Variants in GLYATL2 observed in about 807,000 individuals in gnomAD.
The protein encoded by GLYATL2 is glycine N-acyltransferase-like protein 2.
A neutral mutation model predicts 21.4 loss-of-function variants in GLYATL2; 25 were observed. The observed-to-expected ratio is 1.17, with a 90% CI of 0.85 to 1.63. The LOEUF (loss-of-function observed/expected upper bound fraction) is 1.63. Among genes scored for constraint, GLYATL2 ranks in the 40% most tolerant of loss-of-function variants. The pLI is 0.00. For synonymous variants in GLYATL2, 114 were observed against 118.2 expected (o/e 0.96, Z 0.23); for missense variants, 361 against 343.3 (o/e 1.05, Z -0.41).
intron 1 of GLYATL2, among the ~76,000 whole-genome samples, chr11:58,871,036 G>C (rs899971498): frequency 6.6e-5 from 10 of 152,116 alleles, no homozygotes; most frequent in African/African-American, 2.4e-4. Context: ...TATTTGAATA[G>C]GTAAAAAGAT....
chr11:58,871,274 T>A (rs1364741142), intron 1 of GLYATL2, among the ~76,000 whole-genome samples: 1 of 148,230 alleles, frequency 6.7e-6, no homozygotes, highest in Non-Finnish European at 1.5e-5. Context: ...TATTTTATTT[T>A]ATTTATTTAT....
chr11:58,879,227 A>G lies in GLYATL2; in HGVS notation n.60+24929T>C, dbSNP rs139269701. On this transcript the variant is annotated intron_variant and non_coding_transcript_variant, in intron 1 of 4. Coordinates refer to the GLYATL2 transcript ENST00000533636. ...AAATAAAAAACATGTGAATGGTACT[A>G]CAGAAAATTCTAAAATAAGAAATAA... 2.6e-5 allele frequency among the ~76,000 whole-genome samples: 4 copies of G among 152,278 alleles called. No homozygotes were observed. The East Asian group carries it at 7.7e-4, about 29-fold the overall frequency.
intron 1 of GLYATL2, among the ~76,000 whole-genome samples, chr11:58,871,331 C>T (rs895430668): frequency 4.0e-4 from 61 of 151,898 alleles, no homozygotes; most frequent in African/African-American, 1.4e-3. Context: ...ATGTGCACAA[C>T]GTGCAGGTTT....
At chr11:58,900,520 T>C (rs1433489132) in intron 1 of GLYATL2, among the ~76,000 whole-genome samples, 2 of 152,094 alleles carry the variant, frequency 1.3e-5, no homozygotes, top group Non-Finnish European at 2.9e-5. Context: ...GCACCAGAAA[T>C]ACCCGCTAAG....
intron 1 of GLYATL2, among the ~76,000 whole-genome samples, chr11:58,878,560 C>T (rs943388074): frequency 6.6e-6 from 1 of 152,184 alleles, no homozygotes; most frequent in Non-Finnish European, 1.5e-5. Context: ...CCTCTAACAG[C>T]TGACTGGGTC....
chr11:58,837,540 T>C, intron 3 of GLYATL2, 143 bp from the exon 4 acceptor site: 2 of 732,906 alleles, frequency 2.7e-6, no homozygotes, highest in South Asian at 1.9e-5. Flanking sequence ...TGGAGTCACT[T>C]CAAGAATAAC....
chr11:58,901,280 C>T (rs1344982945), intron 1 of GLYATL2, among the ~76,000 whole-genome samples: 1 of 152,122 alleles, frequency 6.6e-6, no homozygotes, highest in African/African-American at 2.4e-5. Flanking sequence ...AGGATCTCTA[C>T]CGATGGAGCT....
chr11:58,877,520 C>A (rs1254914874), intron 1 of GLYATL2, among the ~76,000 whole-genome samples: 1 of 151,916 alleles, frequency 6.6e-6, no homozygotes, highest in Non-Finnish European at 1.5e-5. Context: ...TGAAGTGATG[C>A]AAAATTAAGA....
At position 58,838,232 on chromosome 11, in the gene GLYATL2, C is replaced by T. The variant is rs368402125; in HGVS notation, c.186+29G>A. On this transcript the variant is annotated intron_variant, in intron 3 of 5. Transcript: ENST00000287275. ...GCAGAGAACGTCTGGAGAGTGACTA[C>T]CCTCATATTCAGTAACTATTGCTCC... 3 of 1,409,084 alleles carry T rather than the reference C, an allele frequency of 2.1e-6. No homozygotes were observed. In the African/African-American group the frequency reaches 4.2e-5, roughly 20 times the overall value. The allele number at this position is 1,409,084 out of a possible 1,614,324, so 87.3% of individuals were successfully genotyped here. A position where few individuals can be genotyped will look rare whatever the true frequency, so the allele number is the denominator to read the frequency against.
intron 1 of GLYATL2, chr11:58,840,554 A>T (rs1167268354): frequency 6.6e-6 from 1 of 152,110 alleles, no homozygotes; most frequent in East Asian, 1.9e-4. Flanking sequence ...TAATATAAAG[A>T]TGCAGGCCAG....
chr11:58,834,565 G>T lies in GLYATL2; in HGVS notation c.749C>A (p.Ser250Tyr), dbSNP rs752975069. The change falls in exon 6 of 6, where the codon TCT becomes TAT. Residue 250 changes from serine to tyrosine, a missense_variant. Transcript: ENST00000287275. ...GAAATAAAATGGGATTTCTTTCTGAGAAAGATACTTTTCAAGATGATAACC... is the reference window on the plus strand; with the variant it reads ...GAAATAAAATGGGATTTCTTTCTGATAAAGATACTTTTCAAGATGATAACC... ...QIGYHLEKYL[S>Y]QKEIPFYFHV... 98 of 1,613,788 alleles carry T rather than the reference G, an allele frequency of 6.1e-5. No individual in the cohort carries two copies. Among genetic ancestry groups the T allele is most frequent in the Non-Finnish European group, 8.1e-5 (96 of 1,179,942 alleles).
chr11:58,841,460 G>C (rs531112649), intron 1 of GLYATL2, among the ~76,000 whole-genome samples: 1 of 152,296 alleles, frequency 6.6e-6, no homozygotes, highest in East Asian at 1.9e-4. Flanking sequence ...GAAAAGGTAT[G>C]TGAAGTGTTT....
intron 1 of GLYATL2, among the ~76,000 whole-genome samples, chr11:58,861,749 AATTTTAATTTCC>A (rs1393193363): frequency 6.6e-6 from 1 of 151,976 alleles, no homozygotes; most frequent in East Asian, 1.9e-4. Context: ...TCTCAGCATA[AATTTTAATTTCC>A]ATTTTAATTT....
At chr11:58,866,341 C>T (rs1435184203) in intron 1 of GLYATL2, among the ~76,000 whole-genome samples, 2 of 148,768 alleles carry the variant, frequency 1.3e-5, no homozygotes, top group African/African-American at 4.9e-5. Context: ...TATGCCTTCC[C>T]ACCAGCCACC....
upstream of GLYATL2, chr11:58,907,758 G>A (rs1198078881): frequency 2.9e-5 from 6 of 206,588 alleles, no homozygotes; most frequent in African/African-American, 9.3e-5. Flanking sequence ...CAATATTCTT[G>A]AGCTTTGTTC....
At chr11:58,843,427 A>G (rs1853588106) in intron 1 of GLYATL2, among the ~76,000 whole-genome samples, 5 of 152,188 alleles carry the variant, frequency 3.3e-5, no homozygotes, top group Admixed American at 2.6e-4. Flanking sequence ...GATGGACACT[A>G]TGATTTGGAA....
At chr11:58,882,075 T>C (rs1313006659) in intron 1 of GLYATL2, among the ~76,000 whole-genome samples, 1 of 152,254 alleles carries the variant, frequency 6.6e-6, no homozygotes, top group African/African-American at 2.4e-5. Context: ...GCATGATTTA[T>C]AATCCTTTGG....
rs80064824 is a variant in GLYATL2, at chr11:58,877,967, A to G, written n.60+26189T>C. 5.0e-3 allele frequency among the ~76,000 whole-genome samples: 768 copies of G among 152,328 alleles called. 5 individuals carry two copies. Among genetic ancestry groups the G allele is most frequent in the African/African-American group, 0.018 (732 of 41,562 alleles). ...AGTGTGCACCTGTAACTATACTTGAATGTTGGCCAATCCCAGCAGCCATAC... is the reference window on the plus strand; with the variant it reads ...AGTGTGCACCTGTAACTATACTTGAGTGTTGGCCAATCCCAGCAGCCATAC... On this transcript the variant is annotated intron_variant and non_coding_transcript_variant, in intron 1 of 4. Transcript: ENST00000533636.
intron 1 of GLYATL2, among the ~76,000 whole-genome samples, chr11:58,894,598 C>T (rs925322808): frequency 4.6e-5 from 7 of 151,902 alleles, no homozygotes; most frequent in African/African-American, 1.7e-4. Flanking sequence ...CACCTATCCT[C>T]ATCTCTCCAT....
Sources: gnomAD v4.1 joint callset for allele counts (sites outside exome capture counted in the v4.1 genomes callset) on GRCh38, gnomAD v4.1.1 for gene constraint, MANE v1.5 for transcripts, NCBI Gene and HGNC (gene_info 2026-07-23, HGNC 2026-07-21) for gene names.